Variants in ZP3 observed in about 807,000 individuals in gnomAD.
ZP3 encodes the protein zona pellucida sperm-binding protein 3.
Under a neutral mutation model 35.6 loss-of-function variants are expected in ZP3, and 21 were observed. The ratio of observed to expected loss-of-function variants is 0.59; its 90% CI spans 0.42 to 0.85. The LOEUF is 0.85. ZP3 is among the 40% of genes least tolerant of loss of function. ZP3 has a pLI of 0.00. For synonymous variants in ZP3, 207 were observed against 214.5 expected, an observed-to-expected ratio of 0.96 and a Z score of 0.31; for missense variants, 437 against 536.5, an observed-to-expected ratio of 0.81 and a Z score of 1.83.
At position 76,405,339 on chromosome 7, in the gene ZP3, CTTT is replaced by C. The variant is rs1193527373; in HGVS notation, c.-67+7562_-67+7564del. The stretch of plus-strand genomic sequence containing the variant: ...TATGTATTTTTTTCTTTCTTTCTTT[CTTT>C]TTTTTTTTTTTTTTTTTTTGGTAGA... On this transcript the variant is annotated intron_variant, in intron 1 of 8. Transcript: ENST00000336517. 9.9e-3 allele frequency among the ~76,000 whole-genome samples: 212 copies of C among 21,388 alleles called. 20 individuals are homozygous for C. Among genetic ancestry groups the C allele is most frequent in the African/African-American group, 0.042 (199 of 4,728 alleles). 14.0% of individuals were successfully genotyped at this position (21,388 alleles called of 152,430 possible).
upstream of ZP3, among the ~76,000 whole-genome samples, chr7:76,423,083 G>GAAAGAA: frequency 7.5e-6 from 1 of 133,366 alleles, no homozygotes; most frequent in South Asian, 2.5e-4. Flanking sequence ...AAGAAAGAAA[G>GAAAGAA]AAAAGAAATT....
exon 1 of ZP3, chr7:76,397,613 C>G (rs1804680672): frequency 6.2e-6 from 10 of 1,612,156 alleles, no homozygotes; most frequent in Non-Finnish European, 8.5e-6. Context: ...GCCGCCTTCG[C>G]AGTGCACGTT....
intron 1 of ZP3, chr7:76,400,204 G>A (rs2115779256): frequency 7.3e-7 from 1 of 1,366,324 alleles, no homozygotes; most frequent in Non-Finnish European, 9.6e-7. Context: ...TTACCTGTGG[G>A]AAGTCCCTTC....
chr7:76,406,175 G>A (rs576697564), intron 1 of ZP3, among the ~76,000 whole-genome samples: 5 of 151,914 alleles, frequency 3.3e-5, no homozygotes, highest in African/African-American at 9.7e-5. Flanking sequence ...ATGGGTTTTC[G>A]CCATGTTGGC....
At chr7:76,435,733 T>A (rs1805976566) in intron 5 of ZP3, among the ~76,000 whole-genome samples, 1 of 12,466 alleles carries the variant, frequency 8.0e-5, no homozygotes, top group Non-Finnish European at 1.4e-4. Flanking sequence ...ACCACCAGCA[T>A]TTTTTTTTTT....
At chr7:76,435,753 C>A (rs1246898257) in intron 5 of ZP3, among the ~76,000 whole-genome samples, 8 of 145,192 alleles carry the variant, frequency 5.5e-5, no homozygotes, top group Non-Finnish European at 4.5e-5. Context: ...TTTTTTGAGA[C>A]AGTCTCACTC....
upstream of ZP3, among the ~76,000 whole-genome samples, chr7:76,420,425 T>A (rs780991812): frequency 3.9e-5 from 6 of 152,174 alleles, no homozygotes; most frequent in Non-Finnish European, 7.3e-5. Context: ...AGCTAAAACA[T>A]GTTGGGATCT....
chr7:76,403,065 G>A (rs1437610918), intron 1 of ZP3, among the ~76,000 whole-genome samples: 1 of 152,184 alleles, frequency 6.6e-6, no homozygotes, highest in African/African-American at 2.4e-5. Context: ...AGTGAGATTA[G>A]ACAACTTACT....
At chr7:76,427,334 G>A (rs1805698963) in intron 1 of ZP3, among the ~76,000 whole-genome samples, 1 of 152,020 alleles carries the variant, frequency 6.6e-6, no homozygotes, top group African/African-American at 2.4e-5. Context: ...GGCCACGATG[G>A]TGAAACCTCA....
intron 1 of ZP3, among the ~76,000 whole-genome samples, chr7:76,402,511 G>T (rs957004553): frequency 6.6e-6 from 1 of 151,520 alleles, no homozygotes; most frequent in African/African-American, 2.4e-5. Flanking sequence ...AGAGACAGGG[G>T]TCTCACTTTG....
chr7:76,401,778 C>T (rs1804837676), intron 1 of ZP3, among the ~76,000 whole-genome samples: 1 of 152,178 alleles, frequency 6.6e-6, no homozygotes, highest in Middle Eastern at 3.2e-3. Context: ...CTGGAGCCCT[C>T]AGCTAGAAGT....
chr7:76,436,174 C>T (rs1584070941), intron 5 of ZP3, among the ~76,000 whole-genome samples: 3 of 150,014 alleles, frequency 2.0e-5, no homozygotes, highest in South Asian at 4.3e-4. Flanking sequence ...GCCTTAGCCT[C>T]CCAAGTAGCT....
upstream of ZP3, among the ~76,000 whole-genome samples, chr7:76,424,082 G>A (rs1387892719): frequency 2.0e-5 from 3 of 152,112 alleles, no homozygotes; most frequent in East Asian, 3.9e-4. Flanking sequence ...AATTGATACC[G>A]CCTCCTTTTT....
intron 1 of ZP3, chr7:76,400,527 G>A (rs2115781778): frequency 6.3e-7 from 1 of 1,574,806 alleles, no homozygotes; most frequent in South Asian, 1.1e-5. Context: ...CGCTGCCCCA[G>A]GAGCCACCGT....
At chr7:76,416,280 T>A (rs1310575676) in intron 1 of ZP3, among the ~76,000 whole-genome samples, 1 of 149,960 alleles carries the variant, frequency 6.7e-6, no homozygotes, top group African/African-American at 2.5e-5. Flanking sequence ...AATACAAAAA[T>A]TAACCAAGTA....
At chr7:76,398,318 T>TC (rs1331891266) in intron 1 of ZP3, among the ~76,000 whole-genome samples, 2 of 151,226 alleles carry the variant, frequency 1.3e-5, no homozygotes, top group Non-Finnish European at 3.0e-5. Context: ...TATTTTTTTT[T>TC]TTTTTTTTTG....
rs528785265 is a variant in ZP3, at chr7:76,433,658, G to A, written c.713+11G>A. 11 of 1,588,476 alleles carry A rather than the reference G, an allele frequency of 6.9e-6. No individual in the cohort carries two copies. The East Asian group carries it at 1.8e-4, about 26-fold the overall frequency. On this transcript the variant is annotated intron_variant, in intron 4 of 7. Coordinates refer to ENST00000394857, the MANE Select transcript of ZP3 (RefSeq NM_001110354.2). ...CGTGGACTTCCATGGGTGAGCACTG[G>A]GCTCCCTGCCTAGAGAACCTTCCTA... is the stretch of plus-strand genomic sequence containing the variant.
At chr7:76,435,012 G>T (rs1177423303) in intron 5 of ZP3, among the ~76,000 whole-genome samples, 1 of 152,196 alleles carries the variant, frequency 6.6e-6, no homozygotes, top group Non-Finnish European at 1.5e-5. Flanking sequence ...GGAAGTGCAG[G>T]TGCAAGGACC....
chr7:76,400,352 A>G lies in ZP3; in HGVS notation c.-67+2555A>G, dbSNP rs752423568. The G allele has an allele frequency of 1.2e-5, 18 of 1,544,498 alleles. No homozygotes were observed. In the Admixed American group the frequency reaches 3.6e-4, roughly 31 times the overall value. ...TGGACGCCCCAGCCGCGGCTGCCGC[A>G]CTCGCTCAGCGCAGCTTCCTGCCCG... is the stretch of plus-strand genomic sequence containing the variant. On this transcript the variant is annotated intron_variant, in intron 1 of 8. Coordinates refer to the ZP3 transcript ENST00000336517.
Sources: allele counts gnomAD v4.1 joint callset (sites outside exome capture counted in the v4.1 genomes callset), GRCh38; gene constraint gnomAD v4.1.1; transcripts MANE v1.5; gene names NCBI Gene and HGNC (gene_info 2026-07-23, HGNC 2026-07-21).